Variants in NAV2 observed in about 807,000 individuals in gnomAD.
NAV2 encodes the protein helicase, APC down-regulated 1.
NAV2 carries 54 observed loss-of-function variants against 223.2 expected under a neutral mutation model. That is an observed-to-expected ratio of 0.24 (90% CI 0.19 to 0.30). The LOEUF is 0.30. Among genes scored for constraint, NAV2 ranks in the 10% least tolerant of loss-of-function variants. The pLI, the probability that NAV2 is intolerant of heterozygous loss-of-function variation, is 1.00. For synonymous variants in NAV2, 1,279 were observed against 1,239.3 expected, an observed-to-expected ratio of 1.03 and a Z score of -0.67; for missense variants, 2,806 against 3,147.5, an observed-to-expected ratio of 0.89 and a Z score of 2.60.
chr11:19,766,542 G>C (rs770679585), intron 1 of NAV2, among the ~76,000 whole-genome samples: 1 of 152,228 alleles, frequency 6.6e-6, no homozygotes, highest in Non-Finnish European at 1.5e-5. Flanking sequence ...GAGATAAACT[G>C]TCCTTCCCAG....
intron 1 of NAV2, among the ~76,000 whole-genome samples, chr11:19,763,800 GTT>G (rs36000037): frequency 2.3e-5 from 2 of 87,466 alleles, no homozygotes; most frequent in Non-Finnish European, 4.8e-5. Context: ...TGTTTTTTTT[GTT>G]TTTTTTTTAC....
intron 1 of NAV2, among the ~76,000 whole-genome samples, chr11:19,378,052 G>C (rs779580520): frequency 2.6e-5 from 4 of 152,114 alleles, no homozygotes; most frequent in Non-Finnish European, 5.9e-5. Context: ...AGCTGTCTGG[G>C]GTCTGAACAA....
chr11:19,379,880 A>G (rs1011463240), intron 1 of NAV2, among the ~76,000 whole-genome samples: 1 of 152,174 alleles, frequency 6.6e-6, no homozygotes, highest in African/African-American at 2.4e-5. Flanking sequence ...GCCAGCACCA[A>G]TAATTTAACA....
chr11:19,564,162 G>T (rs944617258), intron 1 of NAV2, among the ~76,000 whole-genome samples: 1 of 152,102 alleles, frequency 6.6e-6, no homozygotes, highest in African/African-American at 2.4e-5. Context: ...TCTGTGGCGG[G>T]GGCTTTGGGG....
intron 1 of NAV2, among the ~76,000 whole-genome samples, chr11:19,513,685 C>T (rs2043350509): frequency 6.6e-6 from 1 of 152,226 alleles, no homozygotes; most frequent in African/African-American, 2.4e-5. Context: ...GTCCTAACCC[C>T]TAATTCCTCA....
chr11:19,600,334 C>T (rs528420817), intron 1 of NAV2, among the ~76,000 whole-genome samples: 3 of 152,238 alleles, frequency 2.0e-5, no homozygotes, highest in African/African-American at 7.2e-5. Context: ...GACATGCCTA[C>T]TGTCTGTGAA....
chr11:19,462,170 G>A (rs553989534), intron 1 of NAV2, among the ~76,000 whole-genome samples: 11 of 152,178 alleles, frequency 7.2e-5, no homozygotes, highest in Admixed American at 3.3e-4. Context: ...GCTTAACTGA[G>A]TGGTTCTCAA....
chr11:19,490,908 G>A (rs1446061730), intron 1 of NAV2, among the ~76,000 whole-genome samples: 1 of 151,996 alleles, frequency 6.6e-6, no homozygotes, highest in Non-Finnish European at 1.5e-5. Flanking sequence ...TTGATCCCTG[G>A]GTAGCAGAAT....
upstream of NAV2, among the ~76,000 whole-genome samples, chr11:19,707,981 A>C (rs2049722468): frequency 6.6e-6 from 1 of 152,224 alleles, no homozygotes; most frequent in South Asian, 2.1e-4. Context: ...TCATTGACTC[A>C]AATGCCTATA....
chr11:20,101,681 G>A (rs960652488), intron 32 of NAV2, among the ~76,000 whole-genome samples: 2 of 152,204 alleles, frequency 1.3e-5, no homozygotes, highest in African/African-American at 4.8e-5. Flanking sequence ...AGACCACTCA[G>A]ATGGTACTAA....
At chr11:19,922,743 C>G (rs745601457) in intron 6 of NAV2, among the ~76,000 whole-genome samples, 12 of 152,186 alleles carry the variant, frequency 7.9e-5, no homozygotes, top group Non-Finnish European at 1.3e-4. Flanking sequence ...CTTAAAGTAG[C>G]TGACCTCCAA....
chr11:19,880,008 C>T lies in NAV2; in HGVS notation c.651C>T (p.Pro217=), dbSNP rs1296584404. ...CCGTATCCCAGGTGGCCGGGGCCCC[C>T]TCCCAGTGCCAGGCTGGCACCCCTC... The part of the protein sequence containing the change: ...PPAVSQVAGA[P]SQCQAGTPQQ... Residue 217 remains proline, a synonymous_variant, in exon 5 of 38, where the codon CCC becomes CCT. Coordinates refer to ENST00000349880, the MANE Select transcript of NAV2 (RefSeq NM_145117.5). 1.9e-6 allele frequency: 3 copies of T among 1,613,740 alleles called. No homozygotes were observed. The highest frequency in any genetic ancestry group is 1.3e-5 in the African/African-American group (1 of 74,922).
Position 19,743,157 on chromosome 11 carries a change from TGTG to T in NAV2, c.267+29200_267+29202del, listed in dbSNP as rs758827706. ...ATGTGAACTTGTTTCTTATCTAAAA[TGTG>T]GTGGAGATCCTCAACATTTACTCAT... On this transcript the variant is annotated intron_variant, in intron 1 of 37. Coordinates refer to ENST00000349880, the MANE Select transcript of NAV2 (RefSeq NM_145117.5). Among the ~76,000 whole-genome samples the T allele has an allele frequency of 2.6e-5, 4 of 152,298 alleles. No individual in the cohort carries two copies. The East Asian group carries it at 7.7e-4, about 29-fold the overall frequency.
chr11:20,106,404 C>CA (rs1243426001), intron 35 of NAV2, among the ~76,000 whole-genome samples: 5 of 145,858 alleles, frequency 3.4e-5, no homozygotes, highest in African/African-American at 1.2e-4. Flanking sequence ...ACTAAAAATA[C>CA]AAAAAATTAG....
intron 5 of NAV2, chr11:19,884,332 G>A (rs766114067): frequency 3.7e-5 from 59 of 1,613,842 alleles, no homozygotes; most frequent in African/African-American, 4.0e-5. Flanking sequence ...AAAATCATCC[G>A]CTTCACTCTG....
chr11:19,795,254 A>G (rs2057801631), intron 1 of NAV2, among the ~76,000 whole-genome samples: 2 of 152,216 alleles, frequency 1.3e-5, no homozygotes, highest in Non-Finnish European at 2.9e-5. Flanking sequence ...TGATAAGCCA[A>G]ATAGATTAGA....
chr11:19,502,177 A>G (rs755300835), intron 1 of NAV2, among the ~76,000 whole-genome samples: 7 of 152,148 alleles, frequency 4.6e-5, no homozygotes, highest in Non-Finnish European at 1.0e-4. Flanking sequence ...CTCAGTAGTT[A>G]AGCACATGGT....
At chr11:19,872,325 C>T (rs920148184) in intron 4 of NAV2, among the ~76,000 whole-genome samples, 2 of 152,048 alleles carry the variant, frequency 1.3e-5, no homozygotes, top group Admixed American at 6.5e-5. Context: ...TAGTATTATC[C>T]CCCTCATGCA....
At chr11:19,659,049 G>A (rs2048203521) in intron 1 of NAV2, among the ~76,000 whole-genome samples, 1 of 152,164 alleles carries the variant, frequency 6.6e-6, no homozygotes, top group South Asian at 2.1e-4. Flanking sequence ...GAGTTAAATA[G>A]ACATATTGCT....
Sources: allele counts gnomAD v4.1 joint callset (sites outside exome capture counted in the v4.1 genomes callset), GRCh38; gene constraint gnomAD v4.1.1; transcripts MANE v1.5; gene names NCBI Gene and HGNC (gene_info 2026-07-23, HGNC 2026-07-21).